SETD7: variants seen among roughly 807,000 people sequenced by gnomAD.
SETD7 encodes SET domain containing 7, histone lysine methyltransferase.
In SETD7, 16 loss-of-function variants were observed where a neutral mutation model predicts 41.8. The observed-to-expected ratio is 0.38, with a 90% CI of 0.26 to 0.58. The LOEUF is 0.58. Ranked by LOEUF, SETD7 falls within the 20% of genes least tolerant of loss-of-function variation. The pLI is 0.64. For missense variants in SETD7, 346 were observed against 459.7 expected, an observed-to-expected ratio of 0.75 and a Z score of 2.26; for synonymous variants, 163 against 169.7, an observed-to-expected ratio of 0.96 and a Z score of 0.31.
intron 1 of SETD7, 42 bp from the exon 2 acceptor site, chr4:139,547,091 T>C: frequency 6.2e-7 from 1 of 1,608,494 alleles, no homozygotes; most frequent in Non-Finnish European, 8.5e-7. Context: ...ACATCTTCAG[T>C]GCTCCTCCCA....
chr4:139,539,934 T>G (rs1024274616), intron 2 of SETD7, among the ~76,000 whole-genome samples: 1 of 152,218 alleles, frequency 6.6e-6, no homozygotes, highest in Non-Finnish European at 1.5e-5. Context: ...GCTGCCCTGA[T>G]CTTGGACTTC....
At chr4:139,552,250 G>A (rs943681605) in intron 1 of SETD7, among the ~76,000 whole-genome samples, 2 of 152,166 alleles carry the variant, frequency 1.3e-5, no homozygotes, top group Admixed American at 1.3e-4. Context: ...ATTAGGGGGA[G>A]TGTTAATAAA....
At chr4:139,503,522 T>C (rs978365047), downstream of SETD7, among the ~76,000 whole-genome samples, 1 of 152,124 alleles carries the variant, frequency 6.6e-6, no homozygotes, top group South Asian at 2.1e-4. Context: ...TACCTATATA[T>C]ATGGTTGTTG....
chr4:139,554,241 T>C (rs999146521), intron 1 of SETD7, among the ~76,000 whole-genome samples: 1 of 152,214 alleles, frequency 6.6e-6, no homozygotes, highest in African/African-American at 2.4e-5. Context: ...CCTGTTTATA[T>C]GAACTTCCCT....
chr4:139,552,660 G>A (rs1191885331), intron 1 of SETD7, among the ~76,000 whole-genome samples: 1 of 152,036 alleles, frequency 6.6e-6, no homozygotes, highest in Non-Finnish European at 1.5e-5. Flanking sequence ...GCTCCATGTT[G>A]CAGCAAAATC....
In SETD7 at chr4:139,523,432, G is replaced by A; in HGVS notation, c.566C>T (p.Ser189Leu). 4.3e-6 allele frequency: 7 copies of A among 1,611,034 alleles called. No individual in the cohort carries two copies. Among genetic ancestry groups the A allele is most frequent in the Non-Finnish European group, 5.9e-6 (7 of 1,177,430 alleles). The change falls in exon 5 of 8, where the codon TCA becomes TTA. Residue 189 changes from serine (S) to leucine (L), a missense_variant. Around this residue, in one of 3 missense-constraint regions of SETD7, gnomAD observed 266 missense variants for 377.0 expected, o/e 0.71. Coordinates refer to ENST00000274031, the MANE Select transcript of SETD7 (RefSeq NM_030648.4). The stretch of plus-strand genomic sequence containing the variant: ...AGTCGACTTATCAAAGTGGTACACT[G>A]AATCTGAAAAGCAAACAAAAATACC... ...RPHFELMPGN[S>L]VYHFDKSTSS...
chr4:139,517,789 G>A lies in SETD7; in HGVS notation c.920+96C>T. On this transcript the variant is annotated intron_variant, in intron 7 of 7. Transcript: ENST00000274031. ...GACCCATGGTCATTCAGATGAAGCAGCCTTTATCTGAGGCAGAATAACACT... is the reference window on the plus strand; with the variant it reads ...GACCCATGGTCATTCAGATGAAGCAACCTTTATCTGAGGCAGAATAACACT... 19 of 1,312,852 alleles carry A rather than the reference G, an allele frequency of 1.4e-5. 1 individual carries two copies. In the South Asian group the frequency reaches 2.7e-4, roughly 18 times the overall value. The allele number at this position is 1,312,852 out of a possible 1,614,324, so 81.3% of individuals were successfully genotyped here. A position where few individuals can be genotyped will look rare whatever the true frequency, so the allele number is the denominator to read the frequency against.
At chr4:139,528,991 T>C in intron 4 of SETD7, 40 bp downstream of exon 4, 1 of 1,570,696 alleles carries the variant, frequency 6.4e-7, no homozygotes, top group Non-Finnish European at 8.7e-7. Flanking sequence ...ACAACCTGCT[T>C]TGGAATTGGA....
chr4:139,542,286 A>C (rs1238942050), intron 2 of SETD7, among the ~76,000 whole-genome samples: 1 of 152,222 alleles, frequency 6.6e-6, no homozygotes, highest in African/African-American at 2.4e-5. Flanking sequence ...CAACAGGTAC[A>C]AAGTTACAGT....
At chr4:139,536,530 G>A (rs969504358) in intron 2 of SETD7, among the ~76,000 whole-genome samples, 1 of 152,138 alleles carries the variant, frequency 6.6e-6, no homozygotes, top group Non-Finnish European at 1.5e-5. Flanking sequence ...TGGCCAACAT[G>A]GTGAAACCCC....
chr4:139,537,471 C>G (rs1366386539), intron 2 of SETD7, among the ~76,000 whole-genome samples: 3 of 122,456 alleles, frequency 2.4e-5, no homozygotes, highest in African/African-American at 7.7e-5. Context: ...CCGCGGGGAA[C>G]CTTGTTTTCC....
Position 139,546,946 on chromosome 4 carries a change from C to G in SETD7, c.144G>C (p.Arg48=), listed in dbSNP as rs916001492. 6.2e-7 allele frequency: 1 copy of G among 1,614,192 alleles called. No individual in the cohort carries two copies. The highest frequency in any genetic ancestry group is 8.5e-7 in the Non-Finnish European group (1 of 1,180,032). The part of the protein sequence containing the change: ...GNFVHGEKNG[R]GKFFFFDGST... ...TGCCATCAAAGAAGAAGAACTTCCC[C>G]CGTCCGTTCTTTTCTCCGTGAACAA... The change falls in exon 2 of 8, where the codon CGG becomes CGC. Residue 48 remains arginine (R), a synonymous_variant. Coordinates refer to ENST00000274031, the MANE Select transcript of SETD7 (RefSeq NM_030648.4).
At chr4:139,534,451 G>A (rs1727581007) in intron 2 of SETD7, among the ~76,000 whole-genome samples, 1 of 152,014 alleles carries the variant, frequency 6.6e-6, no homozygotes, top group Admixed American at 6.5e-5. Flanking sequence ...GCAGTGGCAT[G>A]ATCATGGCTC....
intron 5 of SETD7, 49 bp downstream of exon 5, chr4:139,523,305 A>G (rs1312938553): frequency 3.5e-6 from 5 of 1,416,270 alleles, no homozygotes; most frequent in Non-Finnish European, 5.0e-6. Context: ...CACTAGGCTT[A>G]TTTAACCTCA....
At chr4:139,542,420 T>G (rs989494067) in intron 2 of SETD7, among the ~76,000 whole-genome samples, 1 of 152,218 alleles carries the variant, frequency 6.6e-6, no homozygotes, top group Non-Finnish European at 1.5e-5. Flanking sequence ...CAGAAAGAAA[T>G]GATGAATCTT....
At chr4:139,533,760 A>G (rs1208758308) in intron 2 of SETD7, among the ~76,000 whole-genome samples, 1 of 152,198 alleles carries the variant, frequency 6.6e-6, no homozygotes, top group Non-Finnish European at 1.5e-5. Flanking sequence ...ATTCACTGGT[A>G]GTTCTCAAGG....
At chr4:139,532,360 G>T (rs1727507801) in intron 3 of SETD7, among the ~76,000 whole-genome samples, 1 of 152,180 alleles carries the variant, frequency 6.6e-6, no homozygotes, top group Admixed American at 6.5e-5. Flanking sequence ...GATGGCTTGA[G>T]TCTGGGAGAT....
In SETD7 at chr4:139,519,112, G is replaced by A. The variant is rs537511132; in HGVS notation, c.763-1070C>T. Among the ~76,000 whole-genome samples the A allele has an allele frequency of 2.6e-4, 40 of 152,282 alleles. No homozygotes were observed. The South Asian group carries it at 7.9e-3, about 30-fold the overall frequency. Reference sequence around the variant, plus strand: ...ATCAAAAGTGGAAAAAAGCCTCATGGACCTTAATATTCAAAACCAGTCATG... The same window carrying A: ...ATCAAAAGTGGAAAAAAGCCTCATGAACCTTAATATTCAAAACCAGTCATG... On this transcript the variant is annotated intron_variant, in intron 6 of 7. Coordinates refer to ENST00000274031, the MANE Select transcript of SETD7 (RefSeq NM_030648.4).
intron 5 of SETD7, 36 bp downstream of exon 5, chr4:139,523,318 T>C (rs1727232279): frequency 2.0e-6 from 3 of 1,485,980 alleles, no homozygotes; most frequent in Non-Finnish European, 1.9e-6. Flanking sequence ...TAACCTCACA[T>C]AAACAGTGCA....
Sources: allele counts gnomAD v4.1 joint callset (sites outside exome capture counted in the v4.1 genomes callset), GRCh38; gene constraint gnomAD v4.1.1; regional missense constraint gnomAD v4.1.1; transcripts MANE v1.5; gene names NCBI Gene and HGNC (gene_info 2026-07-23, HGNC 2026-07-21).